MAPK6: variants seen among roughly 807,000 people sequenced by gnomAD.
MAPK6 encodes the protein ERK-3.
In MAPK6, 19 loss-of-function variants were observed where a neutral mutation model predicts 59.3. The observed-to-expected ratio is 0.32, with a 90% CI of 0.22 to 0.47. The LOEUF is 0.47. Ranked by LOEUF, MAPK6 falls within the 20% of genes least tolerant of loss-of-function variation. The probability of loss-of-function intolerance (pLI) is 1.00; values close to 1 mark genes in which losing one functional copy is unlikely to be tolerated. For synonymous variants in MAPK6, 316 were observed against 290.3 expected (o/e 1.09, Z -0.90); for missense variants, 724 against 847.9 (o/e 0.85, Z 1.81).
intron 1 of MAPK6, among the ~76,000 whole-genome samples, chr15:52,042,464 C>A (rs776584608): frequency 1.3e-5 from 2 of 151,994 alleles, no homozygotes; most frequent in Non-Finnish European, 2.9e-5. Context: ...AAGTGCTGAC[C>A]AGTCACTGAG....
At chr15:52,043,064 A>AG (rs2031477787) in intron 1 of MAPK6, among the ~76,000 whole-genome samples, 1 of 152,024 alleles carries the variant, frequency 6.6e-6, no homozygotes, top group East Asian at 1.9e-4. Flanking sequence ...CCCAGAATGC[A>AG]GAGGTTGCAG....
chr15:51,995,922 C>T (rs914742031), intron 2 of MAPK6, among the ~76,000 whole-genome samples: 2 of 136,378 alleles, frequency 1.5e-5, no homozygotes, highest in Admixed American at 7.0e-5. Flanking sequence ...AGTGAGATTC[C>T]GTTTCAAAAA....
At chr15:52,011,347 A>C (rs534528502) in intron 3 of MAPK6, 95 of 152,412 alleles carry the variant, frequency 6.2e-4, no homozygotes, top group African/African-American at 2.3e-3. Flanking sequence ...GGCACATGCC[A>C]CTGTGCCGAG....
chr15:51,996,454 GGT>G (rs2057224403), intron 2 of MAPK6, among the ~76,000 whole-genome samples: 6 of 152,034 alleles, frequency 3.9e-5, no homozygotes, highest in Non-Finnish European at 8.8e-5. Flanking sequence ...GGAGTGCAGT[GGT>G]GCAATCTTGG....
chr15:51,982,690 T>TA (rs952849740), intron 1 of MAPK6, among the ~76,000 whole-genome samples: 4 of 151,956 alleles, frequency 2.6e-5, no homozygotes, highest in African/African-American at 4.8e-5. Flanking sequence ...TAAAAAAAAA[T>TA]AAAAAAGGTA....
intron 3 of MAPK6, among the ~76,000 whole-genome samples, chr15:52,052,455 C>T (rs1596003237): frequency 6.6e-6 from 1 of 152,090 alleles, no homozygotes; most frequent in African/African-American, 2.4e-5. Flanking sequence ...TAATATAGTT[C>T]CATATTTTTT....
At chr15:51,994,451 G>A (rs1338981965) in intron 2 of MAPK6, among the ~76,000 whole-genome samples, 1 of 152,106 alleles carries the variant, frequency 6.6e-6, no homozygotes, top group East Asian at 1.9e-4. Context: ...TTTTAATTTA[G>A]GTTCGTCTGA....
At chr15:52,018,713 C>G (rs975453005), upstream of MAPK6, 1 of 152,760 alleles carries the variant, frequency 6.5e-6, no homozygotes, top group African/African-American at 2.4e-5. Flanking sequence ...TGGTTATATC[C>G]GCTCCTCCGG....
At chr15:52,015,538 C>T (rs1247191409), upstream of MAPK6, among the ~76,000 whole-genome samples, 1 of 141,930 alleles carries the variant, frequency 7.0e-6, no homozygotes. Flanking sequence ...AGTGCAGTGG[C>T]ATGATCTCGG....
intron 2 of MAPK6, among the ~76,000 whole-genome samples, chr15:51,997,923 C>CTCTTTCTTTCTT (rs201219333): frequency 8.4e-5 from 11 of 131,182 alleles, no homozygotes; most frequent in African/African-American, 3.9e-4. Flanking sequence ...TTCTTTCTTT[C>CTCTTTCTTTCTT]TCTTTCTTTC....
chr15:51,981,932 A>G (rs557629792), intron 1 of MAPK6, among the ~76,000 whole-genome samples: 17 of 152,340 alleles, frequency 1.1e-4, no homozygotes, highest in African/African-American at 4.1e-4. Context: ...TTAAGAATAC[A>G]AAGGGAAAGG....
upstream of MAPK6, among the ~76,000 whole-genome samples, chr15:52,016,484 C>A (rs1205044236): frequency 6.6e-6 from 1 of 152,032 alleles, no homozygotes; most frequent in African/African-American, 2.4e-5. Flanking sequence ...ACTTGAATTC[C>A]AAGAAACTCT....
chr15:52,064,802 A>C lies in MAPK6; in HGVS notation c.1968A>C (p.Gly656=). 2 of 1,612,012 alleles carry C rather than the reference A, an allele frequency of 1.2e-6. No individual in the cohort carries two copies. Among genetic ancestry groups the C allele is most frequent in the Non-Finnish European group, 1.7e-6 (2 of 1,179,844 alleles). The part of the protein sequence containing the change: ...PVEDGKLGER[G]HEEGFLNNSG... Reference sequence around the variant, plus strand: ...AGGATGGGAAGCTTGGGGAGAGAGGACATGAGGAAGGATTTCTGAACAACA... The same window carrying C: ...AGGATGGGAAGCTTGGGGAGAGAGGCCATGAGGAAGGATTTCTGAACAACA... The change falls in exon 6 of 6, where the codon GGA becomes GGC. Residue 656 remains glycine (G), a synonymous_variant. Coordinates refer to ENST00000261845, the MANE Select transcript of MAPK6 (RefSeq NM_002748.4).
intron 3 of MAPK6, among the ~76,000 whole-genome samples, chr15:52,052,369 C>A (rs1458187832): frequency 6.6e-6 from 1 of 152,118 alleles, no homozygotes; most frequent in East Asian, 1.9e-4. Context: ...CAAAAGACAG[C>A]AAGGAGAAAG....
chr15:52,049,204 G>C (rs1345021395), intron 2 of MAPK6, among the ~76,000 whole-genome samples: 1 of 152,152 alleles, frequency 6.6e-6, no homozygotes, highest in Non-Finnish European at 1.5e-5. Context: ...CATTAAGGAG[G>C]TAGACATTGG....
At chr15:51,996,524 T>A (rs2057224645) in intron 2 of MAPK6, among the ~76,000 whole-genome samples, 1 of 152,028 alleles carries the variant, frequency 6.6e-6, no homozygotes, top group Non-Finnish European at 1.5e-5. Context: ...GCCTCCCGAA[T>A]AGCTGGAATT....
At chr15:52,054,874 G>A (rs539354058) in intron 3 of MAPK6, among the ~76,000 whole-genome samples, 1 of 151,832 alleles carries the variant, frequency 6.6e-6, no homozygotes, top group East Asian at 1.9e-4. Context: ...TGCAACCTCC[G>A]CCTCCCAGGT....
chr15:51,982,000 G>A (rs1415315771), intron 1 of MAPK6, among the ~76,000 whole-genome samples: 1 of 152,114 alleles, frequency 6.6e-6, no homozygotes, highest in Non-Finnish European at 1.5e-5. Flanking sequence ...ATAGTACTGA[G>A]GTGGGGAAAT....
At chr15:52,051,610 A>C (rs2031783613) in intron 3 of MAPK6, among the ~76,000 whole-genome samples, 1 of 152,110 alleles carries the variant, frequency 6.6e-6, no homozygotes, top group Admixed American at 6.5e-5. Flanking sequence ...TCAGTGTCTC[A>C]CGCCTGTAAT....
Sources: allele counts gnomAD v4.1 joint callset (sites outside exome capture counted in the v4.1 genomes callset), GRCh38; gene constraint gnomAD v4.1.1; transcripts MANE v1.5; gene names NCBI Gene and HGNC (gene_info 2026-07-23, HGNC 2026-07-21).